The following BTRC variants were observed in gnomAD, a reference collection of about 807,000 sequenced individuals.
The protein encoded by BTRC is F-box/WD repeat-containing protein 1A.
In BTRC, 42 loss-of-function variants were observed where a neutral mutation model predicts 85.5. That is an observed-to-expected ratio of 0.49 (90% CI 0.38 to 0.64). BTRC has a LOEUF of 0.64. Ranked by LOEUF, BTRC falls within the 30% of genes least tolerant of loss-of-function variation. BTRC has a pLI of 0.00. For missense variants in BTRC, 594 were observed against 743.5 expected (o/e 0.80, Z 2.34); for synonymous variants, 255 against 263.3 (o/e 0.97, Z 0.30).
At position 101,508,996 on chromosome 10, in the gene BTRC, G is replaced by A. The variant is rs528107310; in HGVS notation, c.325-12643G>A. 9.7e-4 allele frequency among the ~76,000 whole-genome samples: 141 copies of A among 146,094 alleles called. No homozygotes were observed. In the Middle Eastern group the frequency reaches 0.015, roughly 15 times the overall value. ...TTTGAACATTAATTTCCTTTTTTCT[G>A]CATGTTCAATTTGTAGCTAAATTCT... On this transcript the variant is annotated intron_variant, in intron 4 of 14. Transcript: ENST00000370187.
At chr10:101,448,868 A>G (rs1470482934) in intron 2 of BTRC, among the ~76,000 whole-genome samples, 1 of 151,948 alleles carries the variant, frequency 6.6e-6, no homozygotes, top group Non-Finnish European at 1.5e-5. Context: ...TTCAATATCT[A>G]TGCTGAGACA....
intron 2 of BTRC, among the ~76,000 whole-genome samples, chr10:101,434,037 A>G (rs1021293155): frequency 6.6e-6 from 1 of 152,198 alleles, no homozygotes; most frequent in Non-Finnish European, 1.5e-5. Context: ...CATTTTTATG[A>G]AAAATATATT....
At chr10:101,463,847 AT>A (rs1945293893) in intron 3 of BTRC, among the ~76,000 whole-genome samples, 1 of 152,000 alleles carries the variant, frequency 6.6e-6, no homozygotes, top group East Asian at 1.9e-4. Context: ...TGACACATTC[AT>A]TTTTTAATTT....
intron 2 of BTRC, 62 bp from the exon 3 acceptor site, chr10:101,461,919 T>C (rs1293613810): frequency 8.3e-7 from 1 of 1,202,158 alleles, no homozygotes; most frequent in African/African-American, 1.5e-5. Context: ...TAATTCAGTT[T>C]ACTCCCAAAG....
In BTRC at chr10:101,553,257, C is replaced by T. The variant is rs1042577181; in HGVS notation, c.*134C>T. 1 of 152,678 alleles carries T rather than the reference C, an allele frequency of 6.5e-6. No homozygotes were observed. Among genetic ancestry groups the T allele is most frequent in the Non-Finnish European group, 1.5e-5 (1 of 68,060 alleles). The allele number at this position is 152,678 out of a possible 1,614,324, so 9.5% of individuals were successfully genotyped here. A position where few individuals can be genotyped will look rare whatever the true frequency, so the allele number is the denominator to read the frequency against. On this transcript the variant is annotated 3_prime_UTR_variant, in exon 15 of 15. Coordinates refer to ENST00000370187, the MANE Select transcript of BTRC (RefSeq NM_033637.4). ...CAGTTTCCCTGGACTAGCCGAGGAGCAGGGCTTTGAGACTCCTGTTGGGAC... is the reference window on the plus strand; with the variant it reads ...CAGTTTCCCTGGACTAGCCGAGGAGTAGGGCTTTGAGACTCCTGTTGGGAC...
At chr10:101,504,682 T>G (rs928306382) in intron 4 of BTRC, among the ~76,000 whole-genome samples, 1 of 151,754 alleles carries the variant, frequency 6.6e-6, no homozygotes, top group African/African-American at 2.4e-5. Flanking sequence ...CCCTTCCATT[T>G]CCCTTTTCTT....
chr10:101,529,590 G>A (rs1365631353), intron 6 of BTRC, among the ~76,000 whole-genome samples: 3 of 152,140 alleles, frequency 2.0e-5, no homozygotes, highest in Non-Finnish European at 4.4e-5. Flanking sequence ...CTTTCATAAC[G>A]CATCTTGTTT....
chr10:101,423,016 GTATTGA>G (rs975160163), intron 1 of BTRC, among the ~76,000 whole-genome samples: 96 of 152,064 alleles, frequency 6.3e-4, no homozygotes, highest in African/African-American at 2.3e-3. Context: ...AAAGTCATTG[GTATTGA>G]TATTGATTCT....
intron 1 of BTRC, among the ~76,000 whole-genome samples, chr10:101,366,862 A>ATATATATTTATT (rs1554862147): frequency 1.0e-4 from 3 of 28,744 alleles, no homozygotes; most frequent in African/African-American, 1.5e-4. Flanking sequence ...ATATATATTT[A>ATATATATTTATT]TATATTAATA....
chr10:101,495,118 C>G (rs1234294211), intron 4 of BTRC, among the ~76,000 whole-genome samples: 1 of 152,194 alleles, frequency 6.6e-6, no homozygotes, highest in Non-Finnish European at 1.5e-5. Context: ...TCTCCTAATA[C>G]TGACCTACTT....
At chr10:101,391,156 C>T (rs1403489138) in intron 1 of BTRC, among the ~76,000 whole-genome samples, 3 of 152,156 alleles carry the variant, frequency 2.0e-5, no homozygotes, top group Admixed American at 6.5e-5. Context: ...GTGGTAACTA[C>T]CGCTCCTGCT....
At chr10:101,474,240 G>C (rs1945614383) in intron 3 of BTRC, among the ~76,000 whole-genome samples, 1 of 152,156 alleles carries the variant, frequency 6.6e-6, no homozygotes, top group African/African-American at 2.4e-5. Context: ...TTCTTCCTCT[G>C]ATTAAATTAC....
chr10:101,357,931 C>T (rs1942089803), intron 1 of BTRC, among the ~76,000 whole-genome samples: 1 of 152,178 alleles, frequency 6.6e-6, no homozygotes, highest in Admixed American at 6.5e-5. Context: ...AGCAGGTCCT[C>T]AAGGACCTTT....
In BTRC at chr10:101,553,997, A is replaced by G. The variant is rs1329930950; in HGVS notation, c.*874A>G. The G allele has an allele frequency of 1.3e-5, 2 of 152,080 alleles. No individual in the cohort carries two copies. The highest frequency in any genetic ancestry group is 4.8e-5 in the African/African-American group (2 of 41,362). The allele number at this position is 152,080 out of a possible 1,614,324, so 9.4% of individuals were successfully genotyped here. ...TTCTCAGACATGATACTCTCATCAT[A>G]TTTGCAACTCTTCTCTCTCTTTCTT... On this transcript the variant is annotated 3_prime_UTR_variant, in exon 15 of 15. Transcript: ENST00000370187.
intron 1 of BTRC, among the ~76,000 whole-genome samples, chr10:101,375,709 A>C (rs1026965400): frequency 1.3e-5 from 2 of 152,212 alleles, no homozygotes; most frequent in African/African-American, 4.8e-5. Context: ...ATTAGTGTCT[A>C]TTGTAATAGT....
At chr10:101,381,651 A>C (rs934005001) in intron 1 of BTRC, among the ~76,000 whole-genome samples, 2 of 152,154 alleles carry the variant, frequency 1.3e-5, no homozygotes, top group African/African-American at 4.8e-5. Flanking sequence ...TGATGGTGTC[A>C]TTCTTTTTTC....
intron 4 of BTRC, among the ~76,000 whole-genome samples, chr10:101,481,435 G>GA (rs1227871289): frequency 6.6e-6 from 1 of 152,138 alleles, no homozygotes; most frequent in Non-Finnish European, 1.5e-5. Context: ...CAAGGACAGG[G>GA]TGATGATTTT....
chr10:101,446,477 A>G (rs1405958802), intron 2 of BTRC, among the ~76,000 whole-genome samples: 2 of 152,154 alleles, frequency 1.3e-5, no homozygotes, highest in Non-Finnish European at 1.5e-5. Flanking sequence ...ATTTGGTTGT[A>G]ATTGTGACTA....
intron 1 of BTRC, among the ~76,000 whole-genome samples, chr10:101,385,315 C>T (rs1176798560): frequency 6.9e-6 from 1 of 144,914 alleles, no homozygotes; most frequent in Non-Finnish European, 1.5e-5. Context: ...TGCAGTGAGC[C>T]GAAATCGCGC....
Sources: allele counts gnomAD v4.1 joint callset (sites outside exome capture counted in the v4.1 genomes callset), GRCh38; gene constraint gnomAD v4.1.1; transcripts MANE v1.5; gene names NCBI Gene and HGNC (gene_info 2026-07-23, HGNC 2026-07-21).